PAPSS2: variants seen among roughly 807,000 people sequenced by gnomAD.
The protein encoded by PAPSS2 is 3'-phosphoadenosine 5'-phosphosulfate synthase 2.
PAPSS2 carries 61 observed loss-of-function variants against 66.5 expected under a neutral mutation model. The ratio of observed to expected loss-of-function variants is 0.92; its 90% confidence interval spans 0.75 to 1.14. The LOEUF (loss-of-function observed/expected upper bound fraction) is 1.14, where lower values mean the gene tolerates loss of function less well. Among genes scored for constraint, PAPSS2 ranks in the 50% most tolerant of loss-of-function variants. The pLI, the probability that PAPSS2 is intolerant of heterozygous loss-of-function variation, is 0.00. For synonymous variants in PAPSS2, 289 were observed against 287.5 expected (o/e 1.01, Z -0.05); for missense variants, 708 against 789.6 (o/e 0.90, Z 1.24).
intron 1 of PAPSS2, among the ~76,000 whole-genome samples, chr10:87,687,443 A>G (rs74146001): frequency 0.016 from 2,372 of 152,284 alleles, 58 homozygotes; most frequent in African/African-American, 0.054. Flanking sequence ...AATTCTAAAT[A>G]TACGAAAGGT....
At chr10:87,697,959 A>G (rs1853255457) in intron 1 of PAPSS2, among the ~76,000 whole-genome samples, 1 of 152,210 alleles carries the variant, frequency 6.6e-6, no homozygotes, top group Non-Finnish European at 1.5e-5. Flanking sequence ...AAACATCTGA[A>G]TGATGCTTGC....
intron 1 of PAPSS2, among the ~76,000 whole-genome samples, chr10:87,665,402 G>A (rs1039867511): frequency 3.9e-5 from 6 of 152,082 alleles, no homozygotes; most frequent in East Asian, 1.9e-4. Context: ...TAGTAGAGAC[G>A]GGGTTTCACC....
intron 1 of PAPSS2, among the ~76,000 whole-genome samples, chr10:87,678,234 C>T (rs963794885): frequency 3.1e-4 from 47 of 152,074 alleles, no homozygotes; most frequent in Non-Finnish European, 1.9e-4. Context: ...GGAAAATTGA[C>T]GATCCATACA....
rs1564721016 is a variant in PAPSS2, at chr10:87,713,242, G to A, written c.313G>A (p.Glu105Lys). 1 of 1,601,648 alleles carries A rather than the reference G, an allele frequency of 6.2e-7. No individual in the cohort carries two copies. The highest frequency in any genetic ancestry group is 2.3e-5 in the East Asian group (1 of 43,398). Residue 105 changes from glutamate (E) to lysine (K), a missense_variant, in exon 3 of 13, where the codon GAG (glutamate) becomes AAG (lysine). Coordinates refer to ENST00000456849, the MANE Select transcript of PAPSS2 (RefSeq NM_001015880.2). ...AGAGGAAAATATCCGCCGGATTGCT[G>A]AGGTGGCTAAGCTGTTTGCTGATGC... Reference protein sequence around the residue: ...DREENIRRIAEVAKLFADAGL... With the variant: ...DREENIRRIAKVAKLFADAGL...
At chr10:87,678,124 T>C (rs1271583849) in intron 1 of PAPSS2, among the ~76,000 whole-genome samples, 1 of 152,126 alleles carries the variant, frequency 6.6e-6, no homozygotes, top group Non-Finnish European at 1.5e-5. Context: ...AACTTTTTTT[T>C]CCCAGAAATA....
At chr10:87,663,596 G>C (rs138337609) in intron 1 of PAPSS2, among the ~76,000 whole-genome samples, 2 of 152,186 alleles carry the variant, frequency 1.3e-5, no homozygotes, top group South Asian at 2.1e-4. Flanking sequence ...GAAATACCAG[G>C]GGCAGGGCAC....
rs12414218 is a variant in PAPSS2 at position 87,722,022 on chromosome 10, G to A, written c.880+252G>A. Among the ~76,000 whole-genome samples, 58,793 of 151,930 alleles carry A rather than the reference G, an allele frequency of 0.39. 11,642 individuals carry two copies. Among genetic ancestry groups the A allele is most frequent in the South Asian group, 0.49 (2,367 of 4,824 alleles). On this transcript the variant is annotated intron_variant, in intron 8 of 12. Coordinates refer to ENST00000456849, the MANE Select transcript of PAPSS2 (RefSeq NM_001015880.2). ...GCATTTGGCTGACAAAAGTAAACTT[G>A]TTTCTAAATTATCATTGTACATTTT...
At chr10:87,732,111 C>A (rs1853737291) in intron 9 of PAPSS2, among the ~76,000 whole-genome samples, 1 of 152,166 alleles carries the variant, frequency 6.6e-6, no homozygotes. Context: ...GCCACAGCCA[C>A]CCCAGACTTT....
chr10:87,739,419 T>C (rs1853840250), intron 9 of PAPSS2, among the ~76,000 whole-genome samples: 1 of 152,216 alleles, frequency 6.6e-6, no homozygotes, highest in Non-Finnish European at 1.5e-5. Flanking sequence ...TCAGATATAA[T>C]TGAAGAAGGC....
At position 87,735,399 on chromosome 10, in the gene PAPSS2, T is replaced by C. The variant is rs887602563; in HGVS notation, c.1087-5836T>C. ...TTCGGTTTGATGCCCCCTTCACCAA[T>C]AGATAGAGCAATATACGGTGGACCC... On this transcript the variant is annotated intron_variant, in intron 9 of 12. Transcript: ENST00000456849. Among the ~76,000 whole-genome samples the C allele has an allele frequency of 8.5e-5, 13 of 152,090 alleles. No individual in the cohort carries two copies. In the East Asian group the frequency reaches 2.1e-3, roughly 25 times the overall value.
intron 12 of PAPSS2, 121 bp from the exon 13 acceptor site, chr10:87,745,711 T>G (rs1190408741): frequency 6.1e-6 from 6 of 975,658 alleles, no homozygotes; most frequent in Admixed American, 3.7e-5. Flanking sequence ...GACTGCCCAC[T>G]TTTGAAGATG....
chr10:87,690,514 T>C (rs915767667), intron 1 of PAPSS2, among the ~76,000 whole-genome samples: 4 of 152,154 alleles, frequency 2.6e-5, no homozygotes, highest in African/African-American at 9.7e-5. Flanking sequence ...TGTATATATC[T>C]TTTCAGTTTT....
At chr10:87,660,804 GA>G (rs61018901) in intron 1 of PAPSS2, among the ~76,000 whole-genome samples, 4,540 of 110,610 alleles carry the variant, frequency 0.041, 25 homozygotes, top group East Asian at 0.07. Context: ...CCAATAAACT[GA>G]AAAAAAAAAA....
intron 1 of PAPSS2, among the ~76,000 whole-genome samples, chr10:87,701,348 CTTTCTTT>C (rs1853308185): frequency 1.1e-5 from 1 of 86,970 alleles, no homozygotes; most frequent in African/African-American, 5.6e-5. Context: ...TTCTTTCTTT[CTTTCTTT>C]CTTTCTTTCT....
At chr10:87,710,440 C>T (rs771679787) in intron 2 of PAPSS2, among the ~76,000 whole-genome samples, 31 of 152,186 alleles carry the variant, frequency 2.0e-4, no homozygotes, top group Non-Finnish European at 3.5e-4. Flanking sequence ...CAACTCCCCC[C>T]AAGAGACGTA....
Position 87,743,517 on chromosome 10 carries a change from A to C in PAPSS2, c.1367A>C (p.Asp456Ala). Reference protein sequence around the residue: ...LHPLGGWTKDDDVPLDWRMKQ... With the variant: ...LHPLGGWTKDADVPLDWRMKQ... The stretch of plus-strand genomic sequence containing the variant: ...CCTCTGGGCGGCTGGACCAAGGATG[A>C]CGATGTGCCTCTAGACTGGCGGATG... The change falls in exon 11 of 13, where the codon GAC becomes GCC. Residue 456 changes from aspartate to alanine, a missense_variant. Physicochemically the swap from Asp to Ala is moderately radical, Grantham distance 126. Coordinates refer to ENST00000456849, the MANE Select transcript of PAPSS2 (RefSeq NM_001015880.2). 6.2e-7 allele frequency: 1 copy of C among 1,614,152 alleles called. No individual in the cohort carries two copies. Among genetic ancestry groups the C allele is most frequent in the Non-Finnish European group, 8.5e-7 (1 of 1,180,010 alleles).
At chr10:87,732,077 A>G (rs1466905897) in intron 9 of PAPSS2, among the ~76,000 whole-genome samples, 1 of 152,172 alleles carries the variant, frequency 6.6e-6, no homozygotes, top group Non-Finnish European at 1.5e-5. Flanking sequence ...GACCAACTTC[A>G]TTGTTGTCTT....
intron 9 of PAPSS2, among the ~76,000 whole-genome samples, chr10:87,738,768 T>G (rs148239386): frequency 5.3e-4 from 81 of 152,324 alleles, no homozygotes; most frequent in African/African-American, 1.8e-3. Flanking sequence ...TAGTTTTGAT[T>G]TGCATTTCTC....
At chr10:87,682,093 G>C (rs921763143) in intron 1 of PAPSS2, among the ~76,000 whole-genome samples, 3 of 152,136 alleles carry the variant, frequency 2.0e-5, no homozygotes, top group African/African-American at 7.2e-5. Flanking sequence ...TTTGTTTAGA[G>C]GAATAATTTG....
Sources: allele counts gnomAD v4.1 joint callset (sites outside exome capture counted in the v4.1 genomes callset), GRCh38; gene constraint gnomAD v4.1.1; transcripts MANE v1.5; gene names NCBI Gene and HGNC (gene_info 2026-07-23, HGNC 2026-07-21).